NAT1: variants seen among roughly 807,000 people sequenced by gnomAD.
The protein encoded by NAT1 is N-acetyltransferase 1.
For missense variants in NAT1, 400 were observed against 339.2 expected (o/e 1.18, Z -1.41); for synonymous variants, 144 against 122.6 (o/e 1.17, Z -1.16).
intron 2 of NAT1, among the ~76,000 whole-genome samples, chr8:18,193,264 A>G (rs1159884751): frequency 1.3e-5 from 2 of 149,012 alleles, no homozygotes; most frequent in Non-Finnish European, 3.0e-5. Flanking sequence ...ATTTTTTTGT[A>G]GAGATGGGGT....
chr8:18,216,281 C>T (rs189048204), intron 1 of NAT1, among the ~76,000 whole-genome samples: 45 of 152,300 alleles, frequency 3.0e-4, no homozygotes, highest in African/African-American at 9.9e-4. Context: ...AGCGCTGATA[C>T]TTGCTGCCCA....
chr8:18,187,809 G>C (rs1303214878), intron 2 of NAT1, among the ~76,000 whole-genome samples: 3 of 152,024 alleles, frequency 2.0e-5, no homozygotes, highest in African/African-American at 7.2e-5. Flanking sequence ...CGTGTGACAT[G>C]AGTTTACCTA....
In NAT1 at chr8:18,222,594, G is replaced by A; in HGVS notation, c.547G>A (p.Asp183Asn). ...ATTTCTTCATTCTGATCTCCTAGAA[G>A]ACAGCAAATACCGAAAAATCTACTC... ...EEFLHSDLLE[D>N]SKYRKIYSFT... The change falls in exon 3 of 3, where the codon GAC becomes AAC. Residue 183 changes from aspartate to asparagine, a missense_variant. By Grantham distance (23) the Asp-to-Asn change is conservative. Coordinates refer to ENST00000307719, the MANE Select transcript of NAT1 (RefSeq NM_000662.8). 1 of 1,613,556 alleles carries A rather than the reference G, an allele frequency of 6.2e-7. No individual in the cohort carries two copies. Among genetic ancestry groups the A allele is most frequent in the Non-Finnish European group, 8.5e-7 (1 of 1,179,784 alleles).
intron 2 of NAT1, among the ~76,000 whole-genome samples, chr8:18,184,121 G>A (rs146946967): frequency 5.0e-4 from 76 of 152,274 alleles, no homozygotes; most frequent in African/African-American, 1.8e-3. Context: ...CCACCCCTGT[G>A]ACAAGTCTCT....
intron 2 of NAT1, among the ~76,000 whole-genome samples, chr8:18,220,043 G>A (rs780158372): frequency 2.5e-4 from 38 of 152,212 alleles, no homozygotes; most frequent in Non-Finnish European, 4.7e-4. Context: ...AACCGCCTTC[G>A]TCCTTTTAGA....
At chr8:18,188,215 C>T (rs1175828399) in intron 2 of NAT1, among the ~76,000 whole-genome samples, 1 of 152,122 alleles carries the variant, frequency 6.6e-6, no homozygotes, top group Admixed American at 6.6e-5. Context: ...TAGACACATC[C>T]CTGAAAACAC....
Position 18,191,524 on chromosome 8 carries a change from G to A in NAT1, n.93-18257G>A, listed in dbSNP as rs578222821. On this transcript the variant is annotated intron_variant and non_coding_transcript_variant, in intron 2 of 4. Coordinates refer to the NAT1 transcript ENST00000517441. ...TTCATATGGAACCAAAAAAGAGCCC[G>A]CATCGCCAAGTCAATCCTAAGCCAA... is the stretch of plus-strand genomic sequence containing the variant. 3.9e-3 allele frequency among the ~76,000 whole-genome samples: 585 copies of A among 151,858 alleles called. 1 individual carries two copies. The highest frequency in any genetic ancestry group is 6.4e-3 in the Admixed American group (98 of 15,248).
chr8:18,176,461 G>GT (rs1010193457), intron 2 of NAT1, among the ~76,000 whole-genome samples: 1 of 152,058 alleles, frequency 6.6e-6, no homozygotes, highest in African/African-American at 2.4e-5. Context: ...TAAAATGACT[G>GT]TTTTTTCCCA....
chr8:18,194,081 C>T (rs1262250632), intron 2 of NAT1, among the ~76,000 whole-genome samples: 1 of 152,170 alleles, frequency 6.6e-6, no homozygotes, highest in Non-Finnish European at 1.5e-5. Flanking sequence ...GGAGCCAGAT[C>T]CTTACTGGGG....
intron 2 of NAT1, among the ~76,000 whole-genome samples, chr8:18,183,634 T>C (rs942163053): frequency 1.3e-5 from 2 of 152,194 alleles, no homozygotes; most frequent in African/African-American, 4.8e-5. Flanking sequence ...ACGGAAGATA[T>C]GGGTGAGACT....
chr8:18,214,173 CAT>C (rs1036825724), intron 1 of NAT1, among the ~76,000 whole-genome samples: 3 of 152,118 alleles, frequency 2.0e-5, no homozygotes, highest in African/African-American at 7.2e-5. Flanking sequence ...CCATAACTCT[CAT>C]AACTTTTCTA....
intron 2 of NAT1, among the ~76,000 whole-genome samples, chr8:18,221,361 T>C (rs950596272): frequency 7.3e-5 from 11 of 151,666 alleles, no homozygotes; most frequent in Non-Finnish European, 2.9e-5. Context: ...GCTCTCCCTC[T>C]GTACTTACTG....
At chr8:18,192,959 G>A (rs1193158851) in intron 2 of NAT1, among the ~76,000 whole-genome samples, 1 of 151,018 alleles carries the variant, frequency 6.6e-6, no homozygotes, top group African/African-American at 2.4e-5. Flanking sequence ...CCTGCACATT[G>A]TGCACATGTA....
At chr8:18,217,056 A>T (rs963308850) in intron 1 of NAT1, 1 of 1,123,372 alleles carries the variant, frequency 8.9e-7, no homozygotes, top group Non-Finnish European at 1.3e-6. Context: ...GGCAACTTGT[A>T]GATTGGGTGC....
At chr8:18,210,025 G>T (rs1004417743), upstream of NAT1, 1 of 152,134 alleles carries the variant, frequency 6.6e-6, no homozygotes, top group Admixed American at 6.5e-5. Context: ...GGGGCCCCTG[G>T]GGTAACCCTA....
At chr8:18,217,382 G>A (rs982548414) in intron 1 of NAT1, among the ~76,000 whole-genome samples, 5 of 152,254 alleles carry the variant, frequency 3.3e-5, no homozygotes, top group African/African-American at 1.2e-4. Context: ...TTTGTCTTCA[G>A]ACGCTTTGCG....
intron 2 of NAT1, among the ~76,000 whole-genome samples, chr8:18,192,109 C>A (rs1803015096): frequency 6.6e-6 from 1 of 151,322 alleles, no homozygotes; most frequent in Non-Finnish European, 1.5e-5. Flanking sequence ...GGGCTAATAT[C>A]CAGAATCTAC....
intron 1 of NAT1, among the ~76,000 whole-genome samples, chr8:18,215,584 T>G (rs1208976307): frequency 1.3e-5 from 2 of 152,240 alleles, no homozygotes; most frequent in Non-Finnish European, 2.9e-5. Flanking sequence ...TTTATTGAGT[T>G]TATTTCACAT....
intron 1 of NAT1, among the ~76,000 whole-genome samples, chr8:18,210,857 C>A (rs758160845): frequency 3.3e-5 from 5 of 152,194 alleles, no homozygotes; most frequent in Non-Finnish European, 4.4e-5. Flanking sequence ...TTAGTGCATC[C>A]TCCTCCTCCT....
Sources: gnomAD v4.1 joint callset for allele counts (sites outside exome capture counted in the v4.1 genomes callset) on GRCh38, gnomAD v4.1.1 for gene constraint, MANE v1.5 for transcripts, NCBI Gene and HGNC (gene_info 2026-07-23, HGNC 2026-07-21) for gene names.